Variants in EAF2 observed in about 807,000 individuals in gnomAD.
EAF2 encodes the protein ELL-associated factor 2.
Under a neutral mutation model 29.4 loss-of-function variants are expected in EAF2, and 29 were observed. The observed-to-expected ratio is 0.99, with a 90% CI of 0.73 to 1.35. The LOEUF is 1.35. EAF2 is among the 40% of genes most tolerant of loss of function. EAF2 has a pLI of 0.00. For synonymous variants in EAF2, 103 were observed against 102.5 expected, an observed-to-expected ratio of 1.00 and a Z score of -0.03; for missense variants, 292 against 312.0, an observed-to-expected ratio of 0.94 and a Z score of 0.48.
chr3:121,870,489 G>A (rs1241065722), intron 4 of EAF2, among the ~76,000 whole-genome samples: 2 of 152,082 alleles, frequency 1.3e-5, no homozygotes, highest in Admixed American at 6.6e-5. Flanking sequence ...GGGGGTTGGA[G>A]AATGGAGAAG....
chr3:121,859,661 T>C (rs1038599724), intron 4 of EAF2, among the ~76,000 whole-genome samples: 1 of 152,222 alleles, frequency 6.6e-6, no homozygotes, highest in Non-Finnish European at 1.5e-5. Flanking sequence ...ATACCCTTTG[T>C]TTCTTTCTCC....
intron 4 of EAF2, among the ~76,000 whole-genome samples, chr3:121,865,595 A>T (rs1708909524): frequency 6.6e-6 from 1 of 152,118 alleles, no homozygotes; most frequent in Non-Finnish European, 1.5e-5. Flanking sequence ...TAATCCCAGC[A>T]CTTTGGGAGG....
intron 5 of EAF2, among the ~76,000 whole-genome samples, chr3:121,874,094 G>A (rs1472761891): frequency 6.6e-6 from 1 of 151,764 alleles, no homozygotes; most frequent in African/African-American, 2.4e-5. Flanking sequence ...TAGATGCTCA[G>A]CAAATACTTT....
chr3:121,863,306 A>G (rs1047990614), intron 4 of EAF2, among the ~76,000 whole-genome samples: 1 of 152,144 alleles, frequency 6.6e-6, no homozygotes, highest in Non-Finnish European at 1.5e-5. Flanking sequence ...GAGTCTACAG[A>G]TGCAGGCAGG....
chr3:121,870,059 C>G (rs1256837388), intron 4 of EAF2, among the ~76,000 whole-genome samples: 1 of 151,766 alleles, frequency 6.6e-6, no homozygotes, highest in Admixed American at 6.6e-5. Flanking sequence ...TAAAAAGCAC[C>G]CACCCCAAAA....
intron 1 of EAF2, among the ~76,000 whole-genome samples, chr3:121,839,822 A>G (rs890920372): frequency 5.3e-4 from 80 of 152,256 alleles, no homozygotes; most frequent in Non-Finnish European, 2.6e-4. Flanking sequence ...GCACTGTGCT[A>G]GAGCCACTAT....
intron 2 of EAF2, among the ~76,000 whole-genome samples, chr3:121,850,376 G>A (rs1171297614): frequency 6.7e-6 from 1 of 148,896 alleles, no homozygotes; most frequent in African/African-American, 2.5e-5. Flanking sequence ...TACTTTGGGA[G>A]TACTAGTATA....
In EAF2 at chr3:121,872,699, A is replaced by G. The variant is rs759299979; in HGVS notation, c.647A>G (p.His216Arg). ...TSDTGNCVSGHPTMTQYRIPD... is the reference protein window; with the variant it reads ...TSDTGNCVSGRPTMTQYRIPD... ...GATACAGGGAATTGTGTCTCAGGACATCCTACCATGACACAGTACAGGATT... is the reference window on the plus strand; with the variant it reads ...GATACAGGGAATTGTGTCTCAGGACGTCCTACCATGACACAGTACAGGATT... Residue 216 changes from histidine (H) to arginine (R), a missense_variant, in exon 5 of 6, where the codon CAT becomes CGT. By Grantham distance (29) the His-to-Arg change is conservative. Coordinates refer to ENST00000273668, the MANE Select transcript of EAF2 (RefSeq NM_018456.6). 6.2e-7 allele frequency: 1 copy of G among 1,612,944 alleles called. No homozygotes were observed. The highest frequency in any genetic ancestry group is 8.5e-7 in the Non-Finnish European group (1 of 1,179,234).
chr3:121,877,017 A>T (rs1330309530), intron 5 of EAF2, among the ~76,000 whole-genome samples: 1 of 151,970 alleles, frequency 6.6e-6, no homozygotes, highest in African/African-American at 2.4e-5. Context: ...AGAGATAGAA[A>T]AAAAGATGCT....
At chr3:121,863,332 G>T (rs571628274) in intron 4 of EAF2, among the ~76,000 whole-genome samples, 179 of 152,302 alleles carry the variant, frequency 1.2e-3, no homozygotes, top group South Asian at 8.5e-3. Context: ...TTGAGCTGCG[G>T]TGGGCTCCAC....
At chr3:121,861,718 G>A (rs575375725) in intron 4 of EAF2, among the ~76,000 whole-genome samples, 2 of 152,272 alleles carry the variant, frequency 1.3e-5, no homozygotes, top group African/African-American at 4.8e-5. Flanking sequence ...TCATTATGAT[G>A]TTAGCTGGTT....
At chr3:121,864,477 A>T (rs1008466215) in intron 4 of EAF2, among the ~76,000 whole-genome samples, 1 of 152,182 alleles carries the variant, frequency 6.6e-6, no homozygotes, top group Non-Finnish European at 1.5e-5. Context: ...TGGTACAGAA[A>T]ATCAAGATAT....
intron 5 of EAF2, among the ~76,000 whole-genome samples, chr3:121,874,142 A>G (rs1709060769): frequency 6.6e-6 from 1 of 151,804 alleles, no homozygotes; most frequent in Non-Finnish European, 1.5e-5. Context: ...CCTGGGGAGA[A>G]TGGAATTTTC....
intron 5 of EAF2, among the ~76,000 whole-genome samples, chr3:121,882,175 C>A (rs1709200205): frequency 1.3e-5 from 2 of 151,830 alleles, no homozygotes; most frequent in African/African-American, 2.4e-5. Flanking sequence ...ATGATGAAAC[C>A]CTGTCTCTAC....
At chr3:121,847,968 A>G (rs935709675) in intron 2 of EAF2, among the ~76,000 whole-genome samples, 6 of 152,160 alleles carry the variant, frequency 3.9e-5, no homozygotes, top group Non-Finnish European at 8.8e-5. Context: ...GTATCTCCAT[A>G]TCTAGACAAT....
intron 2 of EAF2, among the ~76,000 whole-genome samples, chr3:121,850,066 T>A (rs1708603271): frequency 6.6e-6 from 1 of 151,380 alleles, no homozygotes; most frequent in South Asian, 2.1e-4. Context: ...TCATAGAATC[T>A]TAGTGTTTCT....
At chr3:121,884,277 G>A (rs974723895) in intron 5 of EAF2, among the ~76,000 whole-genome samples, 6 of 148,392 alleles carry the variant, frequency 4.0e-5, no homozygotes, top group Admixed American at 1.4e-4. Flanking sequence ...GAGGCAGAGG[G>A]TGCAGTGAGC....
Position 121,872,664 on chromosome 3 carries a change from C to A in EAF2, c.612C>A (p.Ser204=), listed in dbSNP as rs749678234. The A allele has an allele frequency of 2.5e-6, 4 of 1,612,866 alleles. No homozygotes were observed. The highest frequency in any genetic ancestry group is 3.4e-6 in the Non-Finnish European group (4 of 1,179,212). The change falls in exon 5 of 6, where the codon TCC becomes TCA. Residue 204 remains serine (S), a synonymous_variant. Coordinates refer to ENST00000273668, the MANE Select transcript of EAF2 (RefSeq NM_018456.6). The part of the protein sequence containing the change: ...SSDSEDEDCK[S]STSDTGNCVS... Reference sequence around the variant, plus strand: ...ACTCAGAAGATGAAGATTGCAAATCCTCTACTTCTGATACAGGGAATTGTG... The same window carrying A: ...ACTCAGAAGATGAAGATTGCAAATCATCTACTTCTGATACAGGGAATTGTG...
At chr3:121,872,920 T>C in intron 5 of EAF2, 132 bp downstream of exon 5, 3 of 1,299,626 alleles carry the variant, frequency 2.3e-6, no homozygotes, top group South Asian at 1.4e-5. Flanking sequence ...AATTACATTT[T>C]TATTGAATTA....
Sources: allele counts gnomAD v4.1 joint callset (sites outside exome capture counted in the v4.1 genomes callset), GRCh38; gene constraint gnomAD v4.1.1; transcripts MANE v1.5; gene names NCBI Gene and HGNC (gene_info 2026-07-23, HGNC 2026-07-21).